The following BANK1 variants were observed in gnomAD, a reference collection of about 807,000 sequenced individuals.
The protein encoded by BANK1 is B-cell scaffold protein with ankyrin repeats.
Under a neutral mutation model 94.5 loss-of-function variants are expected in BANK1, and 95 were observed. The ratio of observed to expected loss-of-function variants is 1.00; its 90% CI spans 0.85 to 1.19. BANK1 has a LOEUF of 1.19. BANK1 is among the 50% of genes most tolerant of loss of function. The pLI, the probability that BANK1 is intolerant of heterozygous loss-of-function variation, is 0.00. For missense variants in BANK1, 987 were observed against 932.2 expected, an observed-to-expected ratio of 1.06 and a Z score of -0.77; for synonymous variants, 334 against 308.4, an observed-to-expected ratio of 1.08 and a Z score of -0.87.
Position 102,030,209 on chromosome 4 carries a change from C to T in BANK1, c.1844C>T (p.Thr615Ile). 6.2e-7 allele frequency: 1 copy of T among 1,612,708 alleles called. No individual in the cohort carries two copies. The highest frequency in any genetic ancestry group is 1.3e-5 in the African/African-American group (1 of 74,866). ...SFIINRPPAP[T>I]PRPTSIPPKE... ...ATTATAAATAGACCTCCTGCCCCCA[C>T]ACCCCGACCCACAAGTATACCTCCA... Residue 615 changes from threonine to isoleucine, a missense_variant, in exon 10 of 17, where the codon ACA (threonine) becomes ATA (isoleucine). By Grantham distance (89) the Thr-to-Ile change is moderately conservative (BLOSUM62 -1). Coordinates refer to ENST00000322953, the MANE Select transcript of BANK1 (RefSeq NM_017935.5).
chr4:101,943,580 G>T (rs1723823951), intron 7 of BANK1, among the ~76,000 whole-genome samples: 1 of 151,152 alleles, frequency 6.6e-6, no homozygotes, highest in East Asian at 2.0e-4. Context: ...GGGGAAGGAG[G>T]AGATCTGAGG....
intron 7 of BANK1, among the ~76,000 whole-genome samples, chr4:102,015,504 C>G (rs1332247093): frequency 1.3e-5 from 2 of 152,126 alleles, no homozygotes; most frequent in Non-Finnish European, 2.9e-5. Flanking sequence ...TGCAAAAAGA[C>G]TTAAGATGTA....
intron 7 of BANK1, among the ~76,000 whole-genome samples, chr4:102,009,939 T>G (rs1316232755): frequency 6.6e-6 from 1 of 152,182 alleles, no homozygotes; most frequent in Non-Finnish European, 1.5e-5. Context: ...TTGAGAAGAT[T>G]CTGAGTAAAT....
At chr4:101,872,796 G>T (rs1728342920) in intron 5 of BANK1, among the ~76,000 whole-genome samples, 1 of 152,020 alleles carries the variant, frequency 6.6e-6, no homozygotes, top group African/African-American at 2.4e-5. Flanking sequence ...AGACCAGCAT[G>T]GCTGACAATG....
intron 7 of BANK1, among the ~76,000 whole-genome samples, chr4:101,994,496 A>G (rs1000747964): frequency 6.6e-6 from 1 of 152,222 alleles, no homozygotes; most frequent in Non-Finnish European, 1.5e-5. Flanking sequence ...ATTAATTGAT[A>G]GAATCTGTTT....
chr4:101,814,753 T>A (rs558102307), intron 1 of BANK1, among the ~76,000 whole-genome samples: 2 of 152,188 alleles, frequency 1.3e-5, no homozygotes, highest in Non-Finnish European at 2.9e-5. Flanking sequence ...TTGTTTAACA[T>A]TTTTGTTTTT....
Position 101,790,771 on chromosome 4 carries a change from G to C in BANK1, c.-110G>C. 1 of 1,212,408 alleles carries C rather than the reference G, an allele frequency of 8.2e-7. No homozygotes were observed. Among genetic ancestry groups the C allele is most frequent in the East Asian group, 2.6e-5 (1 of 39,136 alleles). 75.1% of individuals were successfully genotyped at this position (1,212,408 alleles called of 1,614,324 possible). A position where few individuals can be genotyped will look rare whatever the true frequency, so the allele number is the denominator to read the frequency against. On this transcript the variant is annotated 5_prime_UTR_variant, in exon 1 of 17. Coordinates refer to ENST00000322953, the MANE Select transcript of BANK1 (RefSeq NM_017935.5). ...CTCCGCGGGTGGCAAGCGGGCTGGG[G>C]AGAGCCGAGGGCCAAAGGAAGAGAA...
Position 102,030,197 on chromosome 4 carries a change from C to T in BANK1, c.1832C>T (p.Pro611Leu), listed in dbSNP as rs1727245067. Residue 611 changes from proline to leucine, a missense_variant, in exon 10 of 17, where the codon CCT (proline) becomes CTT (leucine). Physicochemically the swap from Pro to Leu is moderately conservative, Grantham distance 98 (BLOSUM62 -3). Coordinates refer to ENST00000322953, the MANE Select transcript of BANK1 (RefSeq NM_017935.5). Reference protein sequence around the residue: ...TGSRSFIINRPPAPTPRPTSI... With the variant: ...TGSRSFIINRLPAPTPRPTSI... The stretch of plus-strand genomic sequence containing the variant: ...AGTCGGTCTTTCATTATAAATAGAC[C>T]TCCTGCCCCCACACCCCGACCCACA... The T allele has an allele frequency of 2.5e-6, 4 of 1,613,548 alleles. No homozygotes were observed. The East Asian group carries it at 8.9e-5, about 36-fold the overall frequency.
chr4:101,940,729 A>G (rs2148909944), intron 7 of BANK1, among the ~76,000 whole-genome samples: 1 of 151,918 alleles, frequency 6.6e-6, no homozygotes, highest in Non-Finnish European at 1.5e-5. Flanking sequence ...GAGAAAGACC[A>G]TGGAGGTGGA....
intron 7 of BANK1, among the ~76,000 whole-genome samples, chr4:101,990,408 C>T (rs1163361490): frequency 6.6e-6 from 1 of 152,158 alleles, no homozygotes; most frequent in East Asian, 1.9e-4. Context: ...AAACAAGAAG[C>T]CTTTCCCCTA....
chr4:101,879,003 A>T (rs1728585988), intron 5 of BANK1, among the ~76,000 whole-genome samples: 2 of 152,048 alleles, frequency 1.3e-5, no homozygotes. Context: ...AAAAAAAAGA[A>T]AAGAAAAATG....
chr4:101,976,792 G>A (rs879936791), intron 7 of BANK1: 35 of 152,198 alleles, frequency 2.3e-4, no homozygotes, highest in Middle Eastern at 3.4e-3. Flanking sequence ...TGCAAACTTA[G>A]TCAAAACAGG....
intron 5 of BANK1, among the ~76,000 whole-genome samples, chr4:101,881,689 G>A (rs1222093946): frequency 6.6e-6 from 1 of 152,092 alleles, no homozygotes; most frequent in Admixed American, 6.6e-5. Context: ...CAAATGAATG[G>A]ATAAAGCAAA....
chr4:101,802,055 G>T (rs181519948), intron 1 of BANK1, among the ~76,000 whole-genome samples: 1 of 152,136 alleles, frequency 6.6e-6, no homozygotes, highest in Admixed American at 6.5e-5. Context: ...CAATATTTGG[G>T]CAGGAAAACA....
chr4:102,039,351 G>C (rs894749006), intron 10 of BANK1, among the ~76,000 whole-genome samples: 2 of 152,030 alleles, frequency 1.3e-5, no homozygotes. Context: ...TTGCAAAGAG[G>C]CTACCTACAT....
intron 7 of BANK1, among the ~76,000 whole-genome samples, chr4:101,939,719 C>G (rs1277469476): frequency 6.6e-6 from 1 of 151,680 alleles, no homozygotes; most frequent in Non-Finnish European, 1.5e-5. Flanking sequence ...GATGAGAACT[C>G]TCTCTGCCAC....
In BANK1 at chr4:101,834,330, A is replaced by G. The variant is rs182381944; in HGVS notation, c.469+4124A>G. ...TTTTGGACTCTGATTTCTTAGAGTA[A>G]CTTAGATGTGCCAATTGGAAAATAT... On this transcript the variant is annotated intron_variant, in intron 2 of 16. Coordinates refer to ENST00000322953, the MANE Select transcript of BANK1 (RefSeq NM_017935.5). Among the ~76,000 whole-genome samples the G allele has an allele frequency of 1.7e-3, 252 of 152,308 alleles. 3 individuals are homozygous for G. Among genetic ancestry groups the G allele is most frequent in the Admixed American group, 4.0e-3 (61 of 15,298 alleles).
intron 7 of BANK1, among the ~76,000 whole-genome samples, chr4:101,985,714 G>A (rs1403896995): frequency 2.0e-5 from 3 of 151,892 alleles, no homozygotes; most frequent in Admixed American, 6.6e-5. Context: ...TATAATCAGT[G>A]TAAACTTTCT....
intron 2 of BANK1, among the ~76,000 whole-genome samples, chr4:101,832,675 A>C (rs1726665913): frequency 6.6e-6 from 1 of 151,878 alleles, no homozygotes; most frequent in Non-Finnish European, 1.5e-5. Flanking sequence ...TAATTCACTC[A>C]CCTCTCTCTA....
Sources: gnomAD v4.1 joint callset for allele counts (sites outside exome capture counted in the v4.1 genomes callset) on GRCh38, gnomAD v4.1.1 for gene constraint, MANE v1.5 for transcripts, NCBI Gene and HGNC (gene_info 2026-07-23, HGNC 2026-07-21) for gene names.